YY1AP1: variants seen among roughly 807,000 people sequenced by gnomAD.
YY1AP1 encodes the protein YY1 associated protein 1.
YY1AP1 carries 43 observed loss-of-function variants against 39.9 expected under a neutral mutation model. The observed-to-expected ratio is 1.08, with a 90% CI of 0.84 to 1.39. YY1AP1 has a LOEUF of 1.39. Ranked by LOEUF, YY1AP1 falls within the 40% of genes most tolerant of loss-of-function variation. The pLI, the probability that YY1AP1 is intolerant of heterozygous loss-of-function variation, is 0.00. For synonymous variants in YY1AP1, 292 were observed against 331.3 expected (o/e 0.88, Z 1.29); for missense variants, 813 against 900.7 (o/e 0.90, Z 1.25).
At chr1:155,686,181 G>A (rs1238737329) in intron 2 of YY1AP1, among the ~76,000 whole-genome samples, 13 of 151,404 alleles carry the variant, frequency 8.6e-5, no homozygotes, top group Non-Finnish European at 1.2e-4. Context: ...GACTACAGGC[G>A]CCCGCCACCA....
intron 2 of YY1AP1, among the ~76,000 whole-genome samples, chr1:155,684,788 G>A (rs1651996023): frequency 6.6e-6 from 1 of 152,076 alleles, no homozygotes. Flanking sequence ...GTTTCACCGT[G>A]TTGCCCAGGC....
rs1652774362 is a variant in YY1AP1 at position 155,688,040 on chromosome 1, C to G, written c.-21+31G>C. 5 of 1,547,748 alleles carry G rather than the reference C, an allele frequency of 3.2e-6. No individual in the cohort carries two copies. The African/African-American group carries it at 4.1e-5, about 13-fold the overall frequency. On this transcript the variant is annotated intron_variant, in intron 2 of 10. Coordinates refer to ENST00000355499, the MANE Select transcript of YY1AP1 (RefSeq NM_139119.3). ...TTCAATCGCTGAGAGAGTGCTTAGG[C>G]CCGAATGCCGGCCCAAATCGTTCTA...
rs769324996 is a variant in YY1AP1, at chr1:155,688,292, G to T, written c.-151-91C>A. 2 of 1,576,966 alleles carry T rather than the reference G, an allele frequency of 1.3e-6. No homozygotes were observed. Among genetic ancestry groups the T allele is most frequent in the Non-Finnish European group, 8.6e-7 (1 of 1,161,668 alleles). On this transcript the variant is annotated intron_variant, in intron 1 of 10. Coordinates refer to ENST00000355499, the MANE Select transcript of YY1AP1 (RefSeq NM_139119.3). ...GGATCCCGCAACCGACACTGGGATC[G>T]TTTCCCCTCGCAAAGCGAACCCAAA...
chr1:155,677,971 T>A (rs540752962), intron 4 of YY1AP1, among the ~76,000 whole-genome samples: 1 of 152,314 alleles, frequency 6.6e-6, no homozygotes, highest in Non-Finnish European at 1.5e-5. Flanking sequence ...GATTTTTATT[T>A]AGTCAAAGAT....
chr1:155,688,975 A>C (rs147058489), upstream of YY1AP1: 1 of 1,607,234 alleles, frequency 6.2e-7, no homozygotes, highest in Non-Finnish European at 8.5e-7. Context: ...CTCCTCCTCC[A>C]TGGGACCGCG....
chr1:155,673,721 T>G (rs1003747113), intron 6 of YY1AP1, among the ~76,000 whole-genome samples: 1 of 151,936 alleles, frequency 6.6e-6, no homozygotes, highest in Non-Finnish European at 1.5e-5. Flanking sequence ...TTTTTTTATT[T>G]TTTATTTTTT....
At chr1:155,677,426 A>G (rs1188097491) in intron 4 of YY1AP1, among the ~76,000 whole-genome samples, 2 of 152,178 alleles carry the variant, frequency 1.3e-5, no homozygotes, top group African/African-American at 4.8e-5. Flanking sequence ...TGTCAGTTCT[A>G]TGTATGATTA....
chr1:155,685,857 C>T (rs1023331529), intron 2 of YY1AP1, among the ~76,000 whole-genome samples: 12 of 151,924 alleles, frequency 7.9e-5, no homozygotes, highest in Non-Finnish European at 1.8e-4. Context: ...GTCTTTCATC[C>T]GATTCTCTGA....
At position 155,660,039 on chromosome 1, in the gene YY1AP1, T is replaced by C. The variant is rs768326883; in HGVS notation, c.1871A>G (p.Asn624Ser). Residue 624 changes from asparagine to serine, a missense_variant, in exon 11 of 11, where the codon AAT becomes AGT. Asn to Ser is a conservative substitution (Grantham distance 46, BLOSUM62 1). Coordinates refer to ENST00000355499, the MANE Select transcript of YY1AP1 (RefSeq NM_139119.3). ...TTCAGGGGTGGATGGTATAGGAAGATTCACAGAATTGCCAGAAACAATTAA... is the reference window on the plus strand; with the variant it reads ...TTCAGGGGTGGATGGTATAGGAAGACTCACAGAATTGCCAGAAACAATTAA... ...SPLIVSGNSVNLPIPSTPEDK... is the reference protein window; with the variant it reads ...SPLIVSGNSVSLPIPSTPEDK... 1 of 1,614,160 alleles carries C rather than the reference T, an allele frequency of 6.2e-7. No individual in the cohort carries two copies. Among genetic ancestry groups the C allele is most frequent in the Non-Finnish European group, 8.5e-7 (1 of 1,180,036 alleles).
At chr1:155,661,060 ATTATACACT>A in intron 10 of YY1AP1, 147 bp from the exon 11 acceptor site, 1 of 1,489,746 alleles carries the variant, frequency 6.7e-7, no homozygotes, top group East Asian at 2.4e-5. Flanking sequence ...CCACAGTCCA[ATTATACACT>A]TTAGAAACTC....
intron 10 of YY1AP1, 69 bp from the exon 11 acceptor site, chr1:155,660,982 G>A (rs1039062169): frequency 6.2e-7 from 1 of 1,609,786 alleles, no homozygotes; most frequent in Non-Finnish European, 8.5e-7. Context: ...GACTTTCTAA[G>A]TTTAGGGACC....
At chr1:155,678,128 A>G (rs1650991859) in intron 4 of YY1AP1, among the ~76,000 whole-genome samples, 1 of 152,230 alleles carries the variant, frequency 6.6e-6, no homozygotes, top group Admixed American at 6.5e-5. Flanking sequence ...CTATGTTTAC[A>G]TACATATGTA....
intron 9 of YY1AP1, 53 bp downstream of exon 9, chr1:155,668,574 G>C: frequency 6.2e-7 from 1 of 1,613,522 alleles, no homozygotes; most frequent in Non-Finnish European, 8.5e-7. Flanking sequence ...CAAGAGAAAA[G>C]AACAGATATG....
intron 9 of YY1AP1, among the ~76,000 whole-genome samples, chr1:155,662,426 G>A (rs991109347): frequency 1.3e-5 from 2 of 151,794 alleles, no homozygotes; most frequent in South Asian, 2.1e-4. Flanking sequence ...GGCAGTGGGG[G>A]TGGTAGGGTG....
intron 3 of YY1AP1, 151 bp from the exon 4 acceptor site, chr1:155,679,663 C>T: frequency 6.6e-7 from 1 of 1,517,750 alleles, no homozygotes; most frequent in South Asian, 1.3e-5. Context: ...CACTTCAGGA[C>T]TCCTACAAAC....
At chr1:155,674,153 T>A (rs1261439337) in intron 6 of YY1AP1, among the ~76,000 whole-genome samples, 1 of 100,384 alleles carries the variant, frequency 1.0e-5, no homozygotes, top group Non-Finnish European at 1.8e-5. Context: ...AGAGCGAGAC[T>A]CCGTCTCAAA....
intron 6 of YY1AP1, chr1:155,674,563 A>G (rs996613232): frequency 6.2e-6 from 1 of 160,052 alleles, no homozygotes; most frequent in Admixed American, 6.2e-5. Flanking sequence ...GCAGTGGCTC[A>G]TGGCTGTAAT....
At chr1:155,665,492 G>A (rs1372046272) in intron 9 of YY1AP1, among the ~76,000 whole-genome samples, 16 of 151,822 alleles carry the variant, frequency 1.1e-4, no homozygotes, top group African/African-American at 3.4e-4. Context: ...CCAGCTACTC[G>A]GGAGGCTGAG....
chr1:155,666,241 C>A (rs1648989081), intron 9 of YY1AP1, among the ~76,000 whole-genome samples: 1 of 152,102 alleles, frequency 6.6e-6, no homozygotes. Flanking sequence ...CCTGCCTCAG[C>A]CTCCCGAGTA....
Sources: gnomAD v4.1 joint callset for allele counts (sites outside exome capture counted in the v4.1 genomes callset) on GRCh38, gnomAD v4.1.1 for gene constraint, MANE v1.5 for transcripts, NCBI Gene and HGNC (gene_info 2026-07-23, HGNC 2026-07-21) for gene names.